SYN3: variants seen among roughly 807,000 people sequenced by gnomAD.
SYN3 encodes synapsin-3.
A neutral mutation model predicts 65.8 loss-of-function variants in SYN3; 35 were observed. The ratio of observed to expected loss-of-function variants is 0.53; its 90% confidence interval spans 0.41 to 0.70. The LOEUF is 0.70. Ranked by LOEUF, SYN3 falls within the 30% of genes least tolerant of loss-of-function variation. The pLI, the probability that SYN3 is intolerant of heterozygous loss-of-function variation, is 0.00. For missense variants in SYN3, 680 were observed against 749.0 expected (o/e 0.91, Z 1.08); for synonymous variants, 270 against 292.9 (o/e 0.92, Z 0.80).
intron 6 of SYN3, among the ~76,000 whole-genome samples, chr22:32,754,114 A>C (rs2045222795): frequency 6.6e-6 from 1 of 151,618 alleles, no homozygotes. Flanking sequence ...TGTGCTCCTC[A>C]TCTCTTCTCC....
At chr22:32,981,404 G>A (rs1450311170) in intron 2 of SYN3, among the ~76,000 whole-genome samples, 2 of 151,464 alleles carry the variant, frequency 1.3e-5, no homozygotes, top group African/African-American at 4.8e-5. Flanking sequence ...TGACCAACAT[G>A]GAGAAACCCC....
intron 6 of SYN3, among the ~76,000 whole-genome samples, chr22:32,776,036 G>A (rs994709513): frequency 2.6e-5 from 4 of 152,130 alleles, no homozygotes; most frequent in African/African-American, 9.7e-5. Flanking sequence ...CCTTATACGA[G>A]GCAGGCAGAG....
chr22:32,822,172 A>G (rs4821105), intron 6 of SYN3, among the ~76,000 whole-genome samples: 22,942 of 150,504 alleles, frequency 0.15, 2,281 homozygotes, highest in East Asian at 0.32. Context: ...AAAAAAAAAA[A>G]AAGAAGTTGG....
intron 6 of SYN3, among the ~76,000 whole-genome samples, chr22:32,851,481 C>T (rs556950255): frequency 1.3e-5 from 2 of 152,286 alleles, no homozygotes; most frequent in Non-Finnish European, 2.9e-5. Context: ...GCATCAGACA[C>T]TCCCACTCCC....
At chr22:32,942,736 A>G (rs1309636229) in intron 3 of SYN3, among the ~76,000 whole-genome samples, 2 of 152,258 alleles carry the variant, frequency 1.3e-5, no homozygotes, top group Non-Finnish European at 2.9e-5. Context: ...TAACCAGTGT[A>G]GAGAAGTCCT....
At chr22:32,935,603 A>C (rs2050753529) in intron 3 of SYN3, among the ~76,000 whole-genome samples, 2 of 152,202 alleles carry the variant, frequency 1.3e-5, no homozygotes, top group Middle Eastern at 3.4e-3. Flanking sequence ...GGCACCCGCC[A>C]CCGCGCCCGG....
At chr22:32,814,174 A>AAG (rs2047000510) in intron 6 of SYN3, among the ~76,000 whole-genome samples, 1 of 51,420 alleles carries the variant, frequency 1.9e-5, no homozygotes, top group Non-Finnish European at 3.7e-5. Context: ...GAGAAAGAGA[A>AAG]AGAAAGAAAA....
At chr22:32,924,546 C>T (rs2050419165) in intron 4 of SYN3, among the ~76,000 whole-genome samples, 1 of 152,190 alleles carries the variant, frequency 6.6e-6, no homozygotes, top group South Asian at 2.1e-4. Context: ...ACTGAACCTG[C>T]AAGACCAGAT....
intron 7 of SYN3, among the ~76,000 whole-genome samples, chr22:32,591,044 A>G (rs939467896): frequency 6.6e-6 from 1 of 152,190 alleles, no homozygotes; most frequent in Non-Finnish European, 1.5e-5. Flanking sequence ...ATGTCTCTTA[A>G]TCCTCACAAC....
At chr22:32,678,538 CTCCTCCTCCTCCTTCA>C (rs1267253179) in intron 6 of SYN3, among the ~76,000 whole-genome samples, 2 of 151,754 alleles carry the variant, frequency 1.3e-5, no homozygotes, top group Admixed American at 6.6e-5. Context: ...GACCTTCCTC[CTCCTCCTCCTCCTTCA>C]TCCTCCTCCT....
At chr22:32,682,723 C>T (rs745781427) in intron 6 of SYN3, among the ~76,000 whole-genome samples, 12 of 149,750 alleles carry the variant, frequency 8.0e-5, no homozygotes, top group Non-Finnish European at 1.5e-4. Context: ...TATTGCACAG[C>T]GTTTGACGAA....
At chr22:32,993,791 G>A (rs1251963539) in intron 2 of SYN3, among the ~76,000 whole-genome samples, 1 of 152,192 alleles carries the variant, frequency 6.6e-6, no homozygotes, top group Admixed American at 6.5e-5. Context: ...GAGAAACAGA[G>A]GCCAGAGAAG....
At chr22:32,529,035 G>A (rs774733016) in intron 10 of SYN3, 27 bp from the exon 11 acceptor site, 2 of 1,613,228 alleles carry the variant, frequency 1.2e-6, no homozygotes, top group South Asian at 1.1e-5. Context: ...AGAGCTGAGG[G>A]ACCCCCATGC....
At chr22:32,673,156 T>C (rs2060394896) in intron 6 of SYN3, among the ~76,000 whole-genome samples, 1 of 152,200 alleles carries the variant, frequency 6.6e-6, no homozygotes, top group Non-Finnish European at 1.5e-5. Flanking sequence ...AGTAGGTTTC[T>C]TGGGATTAAG....
rs751710119 is a variant in SYN3, at chr22:32,798,685, C to CTTTTT, written c.711+66225_711+66229dup. 6.7e-4 allele frequency among the ~76,000 whole-genome samples: 62 copies of CTTTTT among 92,442 alleles called. 2 individuals are homozygous for CTTTTT. Among genetic ancestry groups the CTTTTT allele is most frequent in the African/African-American group, 1.1e-3 (25 of 21,764 alleles). 60.6% of individuals were successfully genotyped at this position (92,442 alleles called of 152,430 possible). A position where few individuals can be genotyped will look rare whatever the true frequency, so the allele number is the denominator to read the frequency against. On this transcript the variant is annotated intron_variant, in intron 6 of 13. Transcript: ENST00000358763. Reference sequence around the variant, plus strand: ...AAGCAGGAGAGCCTGCATCTTCATTCTTTTTTTTTTTTTTTTTTTTTTTGG... The same window carrying CTTTTT: ...AAGCAGGAGAGCCTGCATCTTCATTCTTTTTTTTTTTTTTTTTTTTTTTTTTTTGG...
At chr22:32,862,205 G>A (rs2048563118) in intron 6 of SYN3, 1 of 152,234 alleles carries the variant, frequency 6.6e-6, no homozygotes, top group African/African-American at 2.4e-5. Flanking sequence ...GGGAAGCCAT[G>A]ATTTTCCTAA....
intron 7 of SYN3, among the ~76,000 whole-genome samples, chr22:32,560,780 T>C (rs903590658): frequency 1.8e-4 from 28 of 152,204 alleles, no homozygotes; most frequent in African/African-American, 6.8e-4. Flanking sequence ...CTTGAAAGGT[T>C]CGCTTTGTTG....
rs1370508943 is a variant in SYN3, at chr22:32,568,497, G to A, written c.775-26784C>T. On this transcript the variant is annotated intron_variant, in intron 7 of 13. Coordinates refer to ENST00000358763, the MANE Select transcript of SYN3 (RefSeq NM_003490.4). ...TACCATAAACTGGGTGGCTTATAAAGGACAGAAACGTATTTCTTACTGTTC... is the reference window on the plus strand; with the variant it reads ...TACCATAAACTGGGTGGCTTATAAAAGACAGAAACGTATTTCTTACTGTTC... 3.3e-5 allele frequency among the ~76,000 whole-genome samples: 5 copies of A among 152,226 alleles called. No homozygotes were observed. The South Asian group carries it at 1.0e-3, about 31-fold the overall frequency.
intron 6 of SYN3, among the ~76,000 whole-genome samples, chr22:32,773,763 C>T (rs952613988): frequency 6.6e-6 from 1 of 152,118 alleles, no homozygotes; most frequent in Non-Finnish European, 1.5e-5. Context: ...GACAGACACA[C>T]TGATGCAGTG....
Sources: gnomAD v4.1 joint callset for allele counts (sites outside exome capture counted in the v4.1 genomes callset) on GRCh38, gnomAD v4.1.1 for gene constraint, MANE v1.5 for transcripts, NCBI Gene and HGNC (gene_info 2026-07-23, HGNC 2026-07-21) for gene names.